The following COBLL1 variants were observed in gnomAD, a reference collection of about 807,000 sequenced individuals.
COBLL1 encodes cordon-bleu WH2 repeat protein like 1, also known as cordon-bleu protein-like 1.
Under a neutral mutation model 94.8 loss-of-function variants are expected in COBLL1, and 50 were observed. That is an observed-to-expected ratio of 0.53 (90% CI 0.42 to 0.67). The LOEUF (loss-of-function observed/expected upper bound fraction) is 0.67, where lower values mean the gene tolerates loss of function less well. COBLL1 is among the 30% of genes least tolerant of loss of function. The probability of loss-of-function intolerance (pLI) is 0.00; values close to 1 mark genes in which losing one functional copy is unlikely to be tolerated. For synonymous variants in COBLL1, 448 were observed against 473.8 expected (o/e 0.95, Z 0.71); for missense variants, 1,362 against 1,348.7 (o/e 1.01, Z -0.15).
chr2:164,796,895 A>T (rs1381147470), intron 2 of COBLL1, among the ~76,000 whole-genome samples: 3 of 152,082 alleles, frequency 2.0e-5, no homozygotes, highest in Non-Finnish European at 2.9e-5. Context: ...GGATTGCCTG[A>T]GCCCAGGAGT....
intron 2 of COBLL1, among the ~76,000 whole-genome samples, chr2:164,759,563 T>A (rs752549792): frequency 2.0e-5 from 3 of 152,062 alleles, no homozygotes; most frequent in Non-Finnish European, 2.9e-5. Context: ...TATAAAAAAA[T>A]TTGACTTCAT....
At chr2:164,769,461 A>T (rs572464039) in intron 2 of COBLL1, among the ~76,000 whole-genome samples, 2 of 152,172 alleles carry the variant, frequency 1.3e-5, no homozygotes, top group African/African-American at 4.8e-5. Context: ...TACCAAATAC[A>T]TCATTTTATA....
intron 2 of COBLL1, among the ~76,000 whole-genome samples, chr2:164,751,027 A>T (rs562226623): frequency 2.0e-5 from 3 of 152,236 alleles, no homozygotes; most frequent in African/African-American, 7.2e-5. Flanking sequence ...CACATCCAAG[A>T]GCCTTCCATA....
chr2:164,699,291 GGTA>G (rs1684113139), intron 11 of COBLL1, 111 bp downstream of exon 11: 3 of 716,712 alleles, frequency 4.2e-6, no homozygotes, highest in Non-Finnish European at 7.7e-6. Context: ...AAATGAGGTA[GGTA>G]TTAAGTGAGT....
chr2:164,802,502 G>A (rs1401504679), intron 2 of COBLL1, among the ~76,000 whole-genome samples: 1 of 151,374 alleles, frequency 6.6e-6, no homozygotes, highest in Non-Finnish European at 1.5e-5. Flanking sequence ...AAAAAGCACA[G>A]GATTGAAGTG....
intron 3 of COBLL1, chr2:164,738,314 A>G (rs1460766671): frequency 6.6e-6 from 1 of 152,208 alleles, no homozygotes; most frequent in East Asian, 1.9e-4. Context: ...AAGAGGAAAA[A>G]GGAACTAATA....
chr2:164,827,277 A>G (rs536066624), intron 2 of COBLL1, among the ~76,000 whole-genome samples: 1 of 152,242 alleles, frequency 6.6e-6, no homozygotes, highest in South Asian at 2.1e-4. Flanking sequence ...CTCATGGTAA[A>G]TTCTGGCTTA....
At chr2:164,688,860 T>C (rs1210831622) in intron 13 of COBLL1, among the ~76,000 whole-genome samples, 2 of 113,184 alleles carry the variant, frequency 1.8e-5, no homozygotes, top group Non-Finnish European at 3.5e-5. Flanking sequence ...TAGTGATAAA[T>C]ATCAATATCA....
chr2:164,794,256 T>C (rs971633682), intron 2 of COBLL1, among the ~76,000 whole-genome samples: 9 of 152,122 alleles, frequency 5.9e-5, no homozygotes, highest in Non-Finnish European at 1.0e-4. Flanking sequence ...ATTCTTACAG[T>C]GTTGTTGTAA....
chr2:164,823,832 A>C (rs1241078516), intron 2 of COBLL1, among the ~76,000 whole-genome samples: 1 of 152,158 alleles, frequency 6.6e-6, no homozygotes. Flanking sequence ...CAGGATCTGT[A>C]ACCTTTCAGT....
At chr2:164,819,584 C>T (rs1335933420) in intron 2 of COBLL1, among the ~76,000 whole-genome samples, 2 of 152,032 alleles carry the variant, frequency 1.3e-5, no homozygotes, top group East Asian at 3.9e-4. Context: ...TCAGAGATGT[C>T]AGGAAATGTG....
At chr2:164,732,608 T>C (rs1686076754) in intron 3 of COBLL1, among the ~76,000 whole-genome samples, 1 of 152,244 alleles carries the variant, frequency 6.6e-6, no homozygotes, top group African/African-American at 2.4e-5. Context: ...CTGTTGTCTA[T>C]GAGTAAATGA....
In COBLL1 at chr2:164,822,746, TTATTA is replaced by T. The variant is rs1478103378; in HGVS notation, c.41+18405_41+18409del. 1.1e-4 allele frequency among the ~76,000 whole-genome samples: 8 copies of T among 71,980 alleles called. No individual in the cohort carries two copies. The East Asian group carries it at 1.8e-3, about 17-fold the overall frequency. The allele number at this position is 71,980 out of a possible 152,430, so 47.2% of individuals were successfully genotyped here. The stretch of plus-strand genomic sequence containing the variant: ...AAAAGATTATATTATATTATTATTA[TTATTA>T]TTATTATTATTATTATTATTATTAT... On this transcript the variant is annotated intron_variant, in intron 2 of 13. Coordinates refer to ENST00000652658, the MANE Select transcript of COBLL1 (RefSeq NM_001365672.2).
chr2:164,786,875 G>C (rs1688986754), intron 2 of COBLL1, among the ~76,000 whole-genome samples: 1 of 151,900 alleles, frequency 6.6e-6, no homozygotes, highest in African/African-American at 2.4e-5. Context: ...AATGTATCTT[G>C]CTTTTTTCTT....
intron 2 of COBLL1, among the ~76,000 whole-genome samples, chr2:164,820,561 A>G (rs139562303): frequency 2.3e-3 from 353 of 152,332 alleles, no homozygotes; most frequent in African/African-American, 8.2e-3. Flanking sequence ...TCAGGAAACA[A>G]TAACACTTTA....
At chr2:164,755,393 T>C (rs962799686) in intron 2 of COBLL1, among the ~76,000 whole-genome samples, 1 of 152,230 alleles carries the variant, frequency 6.6e-6, no homozygotes, top group Admixed American at 6.5e-5. Context: ...TTTTGATTAG[T>C]ACATTACCTT....
chr2:164,807,657 T>G (rs1684244547), intron 2 of COBLL1, among the ~76,000 whole-genome samples: 1 of 152,114 alleles, frequency 6.6e-6, no homozygotes, highest in African/African-American at 2.4e-5. Context: ...TTAATAGTAT[T>G]AGCATTGTTT....
intron 1 of COBLL1, among the ~76,000 whole-genome samples, chr2:164,668,615 A>G (rs1378741174): frequency 1.3e-5 from 2 of 152,366 alleles, no homozygotes; most frequent in East Asian, 3.9e-4. Context: ...ACTAACATTC[A>G]ATTTGTAAAA....
chr2:164,700,488 C>T (rs556864208), intron 10 of COBLL1, 34 bp downstream of exon 10: 135 of 1,325,464 alleles, frequency 1.0e-4, no homozygotes, highest in African/African-American at 7.5e-4. Context: ...ATTAAACTAA[C>T]GGCCACCAAC....
Sources: allele counts gnomAD v4.1 joint callset (sites outside exome capture counted in the v4.1 genomes callset), GRCh38; gene constraint gnomAD v4.1.1; transcripts MANE v1.5; gene names NCBI Gene and HGNC (gene_info 2026-07-23, HGNC 2026-07-21).